Variants in ECHDC1 observed in about 807,000 individuals in gnomAD.
ECHDC1 encodes ethylmalonyl-CoA decarboxylase.
A neutral mutation model predicts 29.7 loss-of-function variants in ECHDC1; 29 were observed. The ratio of observed to expected loss-of-function variants is 0.98; its 90% CI spans 0.73 to 1.33. The LOEUF is 1.33. Ranked by LOEUF, ECHDC1 falls within the 40% of genes most tolerant of loss-of-function variation. The pLI, the probability that ECHDC1 is intolerant of heterozygous loss-of-function variation, is 0.00. For synonymous variants in ECHDC1, 126 were observed against 123.1 expected (o/e 1.02, Z -0.15); for missense variants, 328 against 350.0 (o/e 0.94, Z 0.50).
At chr6:127,315,242 G>A in intron 4 of ECHDC1, 1 of 442,022 alleles carries the variant, frequency 2.3e-6, no homozygotes, top group Non-Finnish European at 4.4e-6. Context: ...TCAGCAGCTG[G>A]CTCTTCAGAA....
intron 5 of ECHDC1, among the ~76,000 whole-genome samples, chr6:127,293,354 TA>T (rs1409607450): frequency 6.6e-6 from 1 of 152,140 alleles, no homozygotes; most frequent in African/African-American, 2.4e-5. Flanking sequence ...GATGGAAATA[TA>T]AATAATTGAA....
chr6:127,329,678 C>A, intron 2 of ECHDC1: 1 of 289,882 alleles, frequency 3.4e-6, no homozygotes, highest in East Asian at 9.3e-5. Flanking sequence ...AAAAATACCT[C>A]ATAATTGTTT....
intron 5 of ECHDC1, among the ~76,000 whole-genome samples, chr6:127,298,067 C>T (rs1424591550): frequency 3.3e-5 from 5 of 151,992 alleles, no homozygotes; most frequent in Non-Finnish European, 7.4e-5. Flanking sequence ...CTTTTGGACA[C>T]AGTACAATAC....
chr6:127,309,566 G>A (rs1318464190), intron 5 of ECHDC1, among the ~76,000 whole-genome samples: 1 of 149,052 alleles, frequency 6.7e-6, no homozygotes, highest in Non-Finnish European at 1.5e-5. Flanking sequence ...ACAAATTTAA[G>A]ACCTCAAACT....
At chr6:127,312,159 T>C (rs1781999039) in intron 5 of ECHDC1, among the ~76,000 whole-genome samples, 1 of 152,146 alleles carries the variant, frequency 6.6e-6, no homozygotes. Flanking sequence ...CACACGAGCA[T>C]ACTTCACCTC....
intron 5 of ECHDC1, among the ~76,000 whole-genome samples, chr6:127,311,707 A>AAAAAAG (rs1781943643): frequency 2.2e-5 from 2 of 89,004 alleles, no homozygotes; most frequent in Admixed American, 1.5e-4. Flanking sequence ...AAGAAAAGAA[A>AAAAAAG]AAAGAAAGAA....
chr6:127,314,134 A>G (rs1034650578), intron 5 of ECHDC1, among the ~76,000 whole-genome samples: 2 of 152,176 alleles, frequency 1.3e-5, no homozygotes, highest in Non-Finnish European at 2.9e-5. Flanking sequence ...ACCTGTACAG[A>G]TAACTCACAG....
intron 5 of ECHDC1, chr6:127,312,930 A>G (rs1014290612): frequency 6.6e-6 from 1 of 152,310 alleles, no homozygotes; most frequent in South Asian, 2.1e-4. Flanking sequence ...AAAAGTACAT[A>G]CTCTATATAT....
At chr6:127,330,440 C>T (rs1479063286) in intron 2 of ECHDC1, among the ~76,000 whole-genome samples, 1 of 152,184 alleles carries the variant, frequency 6.6e-6, no homozygotes, top group Non-Finnish European at 1.5e-5. Context: ...AGGCTTTTCT[C>T]TTTAGTTTCA....
At chr6:127,324,752 G>A (rs1455227104) in intron 3 of ECHDC1, among the ~76,000 whole-genome samples, 3 of 152,114 alleles carry the variant, frequency 2.0e-5, no homozygotes, top group Non-Finnish European at 4.4e-5. Context: ...TTGGGTCTTT[G>A]GTCTTTGGGC....
intron 5 of ECHDC1, among the ~76,000 whole-genome samples, chr6:127,307,013 A>G (rs1392500960): frequency 6.6e-6 from 1 of 152,186 alleles, no homozygotes; most frequent in Non-Finnish European, 1.5e-5. Context: ...CAATAACAAG[A>G]GGAATTTTGG....
chr6:127,318,859 G>A (rs1051766136), intron 3 of ECHDC1, among the ~76,000 whole-genome samples: 11 of 152,240 alleles, frequency 7.2e-5, no homozygotes, highest in Non-Finnish European at 1.6e-4. Context: ...CTAATCCAAA[G>A]CTGTTATCAG....
At chr6:127,335,439 C>T (rs1224140618) in intron 1 of ECHDC1, among the ~76,000 whole-genome samples, 1 of 151,778 alleles carries the variant, frequency 6.6e-6, no homozygotes, top group Non-Finnish European at 1.5e-5. Flanking sequence ...AAAAAAGTAG[C>T]GGGGTGCTTG....
chr6:127,290,318 G>T, intron 5 of ECHDC1, 41 bp from the exon 6 acceptor site: 1 of 1,568,948 alleles, frequency 6.4e-7, no homozygotes, highest in Non-Finnish European at 8.6e-7. Context: ...AACTCTCTCT[G>T]TATGCTCTAA....
chr6:127,313,494 C>T (rs1054649215), intron 5 of ECHDC1: 7 of 436,154 alleles, frequency 1.6e-5, no homozygotes, highest in South Asian at 4.8e-5. Context: ...TGAGCCACCA[C>T]GCCAGGCTTA....
chr6:127,307,554 AGGAGGT>A (rs1377007994), intron 5 of ECHDC1, among the ~76,000 whole-genome samples: 1 of 144,224 alleles, frequency 6.9e-6, no homozygotes, highest in Non-Finnish European at 1.5e-5. Flanking sequence ...ACTTGAACCT[AGGAGGT>A]GGAGGAGGTT....
Position 127,309,075 on chromosome 6 carries a change from G to A in ECHDC1, c.497+5741C>T, listed in dbSNP as rs545564810. ...GTGTAATTCCCATCAAAATACCAAT[G>A]ACATTCTTCACATAAATCGAAAAAA... On this transcript the variant is annotated intron_variant, in intron 5 of 5. Transcript: ENST00000454859. 2.0e-5 allele frequency among the ~76,000 whole-genome samples: 3 copies of A among 152,076 alleles called. No homozygotes were observed. In the South Asian group the frequency reaches 6.2e-4, roughly 32 times the overall value.
At chr6:127,341,365 A>G (rs1307653311) in intron 1 of ECHDC1, among the ~76,000 whole-genome samples, 1 of 152,234 alleles carries the variant, frequency 6.6e-6, no homozygotes, top group East Asian at 1.9e-4. Flanking sequence ...TGATGAGATG[A>G]CAAGGTGTTA....
At chr6:127,321,827 AC>A (rs1782851287) in intron 3 of ECHDC1, among the ~76,000 whole-genome samples, 1 of 151,874 alleles carries the variant, frequency 6.6e-6, no homozygotes, top group Non-Finnish European at 1.5e-5. Context: ...AAACAGTGAA[AC>A]CCCATCTCTA....
Sources: gnomAD v4.1 joint callset for allele counts (sites outside exome capture counted in the v4.1 genomes callset) on GRCh38, gnomAD v4.1.1 for gene constraint, MANE v1.5 for transcripts, NCBI Gene and HGNC (gene_info 2026-07-23, HGNC 2026-07-21) for gene names.